The following MIPOL1 variants were observed in gnomAD, a reference collection of about 807,000 sequenced individuals.
MIPOL1 encodes mirror-image polydactyly 1.
In MIPOL1, 57 loss-of-function variants were observed where a neutral mutation model predicts 60.9. That is an observed-to-expected ratio of 0.94 (90% CI 0.76 to 1.17). MIPOL1 has a LOEUF of 1.17. MIPOL1 is among the 50% of genes most tolerant of loss of function. The pLI is 0.00. For synonymous variants in MIPOL1, 179 were observed against 168.8 expected, an observed-to-expected ratio of 1.06 and a Z score of -0.47; for missense variants, 551 against 511.6, an observed-to-expected ratio of 1.08 and a Z score of -0.74.
At chr14:37,312,945 T>G (rs1344947043) in intron 9 of MIPOL1, among the ~76,000 whole-genome samples, 1 of 152,174 alleles carries the variant, frequency 6.6e-6, no homozygotes, top group Non-Finnish European at 1.5e-5. Context: ...AACAAAAAAT[T>G]TAGAATTTTA....
Position 37,266,961 on chromosome 14 carries a change from C to G in MIPOL1, c.43C>G (p.Gln15Glu). ...AGACATAACCCACAGTTATCTTGAA[C>G]AAGAAACTACGGGGATAAATAAAAG... ...SKDITHSYLEQETTGINKSTQ... is the reference protein window; with the variant it reads ...SKDITHSYLEEETTGINKSTQ... The change falls in exon 4 of 13, where the codon CAA becomes GAA. Residue 15 changes from glutamine to glutamate, a missense_variant. By Grantham distance (29) the Gln-to-Glu change is conservative. Transcript: ENST00000684589. The G allele has an allele frequency of 6.2e-7, 1 of 1,612,378 alleles. No homozygotes were observed. The highest frequency in any genetic ancestry group is 8.5e-7 in the Non-Finnish European group (1 of 1,179,056).
At chr14:37,307,439 A>G (rs1306596486) in intron 7 of MIPOL1, among the ~76,000 whole-genome samples, 3 of 152,012 alleles carry the variant, frequency 2.0e-5, no homozygotes, top group Admixed American at 2.0e-4. Context: ...GACAAAATGC[A>G]TTTCTGAGGG....
At chr14:37,358,289 C>T (rs938803551) in intron 9 of MIPOL1, among the ~76,000 whole-genome samples, 1 of 152,122 alleles carries the variant, frequency 6.6e-6, no homozygotes, top group African/African-American at 2.4e-5. Flanking sequence ...AATAGTGCTG[C>T]AATAAACATA....
intron 11 of MIPOL1, among the ~76,000 whole-genome samples, chr14:37,431,471 C>T (rs1361238543): frequency 6.8e-6 from 1 of 147,780 alleles, no homozygotes; most frequent in Non-Finnish European, 1.5e-5. Context: ...ATTCAGCCAT[C>T]AATAGTATTT....
chr14:37,353,126 A>C (rs968972567), intron 9 of MIPOL1, among the ~76,000 whole-genome samples: 2 of 138,910 alleles, frequency 1.4e-5, no homozygotes, highest in African/African-American at 5.4e-5. Context: ...GGGTTGTTGA[A>C]TTTTGTCAAA....
chr14:37,294,114 C>G (rs534816431), intron 7 of MIPOL1, among the ~76,000 whole-genome samples: 3 of 152,270 alleles, frequency 2.0e-5, no homozygotes, highest in Admixed American at 1.3e-4. Context: ...GACAAAACTT[C>G]TAGAGGAACG....
intron 3 of MIPOL1, among the ~76,000 whole-genome samples, chr14:37,251,639 G>A (rs1974126122): frequency 6.6e-6 from 1 of 151,264 alleles, no homozygotes; most frequent in African/African-American, 2.4e-5. Flanking sequence ...TTGTTGTTTA[G>A]CCCTTTTTTG....
chr14:37,492,719 T>C (rs933104494), intron 11 of MIPOL1, among the ~76,000 whole-genome samples: 2 of 152,212 alleles, frequency 1.3e-5, no homozygotes, highest in African/African-American at 2.4e-5. Flanking sequence ...CTTTATCTTC[T>C]AAGTTCAACC....
At chr14:37,229,644 A>G (rs1036512362) in intron 1 of MIPOL1, among the ~76,000 whole-genome samples, 7 of 152,202 alleles carry the variant, frequency 4.6e-5, no homozygotes, top group African/African-American at 1.4e-4. Context: ...TAAAACTATT[A>G]GGAGGAAAAA....
intron 7 of MIPOL1, among the ~76,000 whole-genome samples, chr14:37,289,591 G>A (rs1057282114): frequency 2.0e-5 from 3 of 152,166 alleles, no homozygotes; most frequent in African/African-American, 7.2e-5. Flanking sequence ...GTCAAGGTAT[G>A]GGGGAAGAGG....
In MIPOL1 at chr14:37,266,973, G is replaced by C. The variant is rs1238948794; in HGVS notation, c.55G>C (p.Gly19Arg). The change falls in exon 4 of 13, where the codon GGG (glycine) becomes CGG (arginine). Residue 19 changes from glycine (G) to arginine (R), a missense_variant. Transcript: ENST00000684589. ...THSYLEQETT[G>R]INKSTQPDEQ... Reference sequence around the variant, plus strand: ...CAGTTATCTTGAACAAGAAACTACGGGGATAAATAAAAGTACGCAGCCAGA... The same window carrying C: ...CAGTTATCTTGAACAAGAAACTACGCGGATAAATAAAAGTACGCAGCCAGA... 2.5e-6 allele frequency: 4 copies of C among 1,613,060 alleles called. No homozygotes were observed. The highest frequency in any genetic ancestry group is 2.5e-6 in the Non-Finnish European group (3 of 1,179,568).
intron 10 of MIPOL1, among the ~76,000 whole-genome samples, chr14:37,410,263 C>T (rs749276683): frequency 7.2e-5 from 11 of 151,796 alleles, no homozygotes; most frequent in Non-Finnish European, 1.5e-4. Flanking sequence ...TAACTGATGA[C>T]GAGTTAATGG....
intron 3 of MIPOL1, among the ~76,000 whole-genome samples, chr14:37,264,196 C>T (rs994764022): frequency 2.0e-5 from 3 of 151,978 alleles, no homozygotes; most frequent in African/African-American, 7.2e-5. Flanking sequence ...GGTACTAATT[C>T]AGAAATAAAT....
chr14:37,326,593 G>T (rs1325311627), intron 9 of MIPOL1, among the ~76,000 whole-genome samples: 12 of 152,186 alleles, frequency 7.9e-5, no homozygotes, highest in Non-Finnish European at 1.5e-5. Context: ...GCTCAGTGCT[G>T]GTCTGTACTG....
intron 11 of MIPOL1, among the ~76,000 whole-genome samples, chr14:37,440,006 A>G (rs1347958110): frequency 6.6e-6 from 1 of 152,056 alleles, no homozygotes; most frequent in Non-Finnish European, 1.5e-5. Flanking sequence ...ATGCCTGGCT[A>G]ATTTGTTGGG....
intron 9 of MIPOL1, among the ~76,000 whole-genome samples, chr14:37,346,477 C>T (rs570865429): frequency 2.6e-5 from 4 of 152,178 alleles, no homozygotes; most frequent in African/African-American, 7.2e-5. Flanking sequence ...CAGTGTAAAA[C>T]AGCTTTATTA....
Sources: allele counts gnomAD v4.1 joint callset (sites outside exome capture counted in the v4.1 genomes callset), GRCh38; gene constraint gnomAD v4.1.1; transcripts MANE v1.5; gene names NCBI Gene and HGNC (gene_info 2026-07-23, HGNC 2026-07-21).